The following ADGRE1 variants were observed in gnomAD, a reference collection of about 807,000 sequenced individuals.
ADGRE1 encodes EGF-like module receptor 1.
Under a neutral mutation model 102.7 loss-of-function variants are expected in ADGRE1, and 82 were observed. The observed-to-expected ratio is 0.80, with a 90% CI of 0.67 to 0.96. The LOEUF is 0.96. Among genes scored for constraint, ADGRE1 ranks in the 40% least tolerant of loss-of-function variants. The probability of loss-of-function intolerance (pLI) is 0.00; values close to 1 mark genes in which losing one functional copy is unlikely to be tolerated. For synonymous variants in ADGRE1, 398 were observed against 399.6 expected, an observed-to-expected ratio of 1.00 and a Z score of 0.05; for missense variants, 1,032 against 1,085.3, an observed-to-expected ratio of 0.95 and a Z score of 0.69.
At chr19:6,935,101 C>G in intron 18 of ADGRE1, 23 bp downstream of exon 18, 2 of 1,478,902 alleles carry the variant, frequency 1.4e-6, no homozygotes, top group Non-Finnish European at 1.8e-6. Context: ...TTCACCTCCC[C>G]CCCTCTTTTA....
At chr19:6,898,273 A>T in intron 5 of ADGRE1, 1 of 1,579,702 alleles carries the variant, frequency 6.3e-7, no homozygotes, top group Non-Finnish European at 8.7e-7. Flanking sequence ...TCTATCTAGT[A>T]TAAGTGAATT....
chr19:6,887,657 T>A lies in ADGRE1; in HGVS notation c.31+18T>A, dbSNP rs779209003. 21 of 1,607,704 alleles carry A rather than the reference T, an allele frequency of 1.3e-5. No individual in the cohort carries two copies. The Middle Eastern group carries it at 6.6e-4, about 51-fold the overall frequency. On this transcript the variant is annotated intron_variant, in intron 1 of 20. Transcript: ENST00000312053. ...CTTCTGGGGTGAGTGTGAGGCTGAA[T>A]GGGGGGCTAGGGGAGGCCTGGATTG...
rs11881853 is a variant in ADGRE1 at position 6,939,497 on chromosome 19, G to T, written c.2656-527G>T. ...TTCTATGCTTAGTGGTGTTGTAAAG[G>T]CTCTAAACTAAGAATCTGGGTTTTC... is the stretch of plus-strand genomic sequence containing the variant. On this transcript the variant is annotated intron_variant, in intron 20 of 20. Transcript: ENST00000312053. Among the ~76,000 whole-genome samples the T allele has an allele frequency of 1.4e-3, 215 of 152,132 alleles. 2 individuals are homozygous for T. The highest frequency in any genetic ancestry group is 0.014 in the Middle Eastern group (4 of 294).
intron 14 of ADGRE1, among the ~76,000 whole-genome samples, chr19:6,924,307 A>G (rs1334414948): frequency 6.6e-6 from 1 of 151,784 alleles, no homozygotes; most frequent in East Asian, 1.9e-4. Context: ...AATTAGGCTC[A>G]CTCCTGTCTG....
chr19:6,919,190 G>A (rs756481485), intron 12 of ADGRE1, among the ~76,000 whole-genome samples: 6 of 151,908 alleles, frequency 3.9e-5, no homozygotes, highest in Non-Finnish European at 7.4e-5. Context: ...GCATCACCAC[G>A]CCCGGCTAAT....
intron 13 of ADGRE1, among the ~76,000 whole-genome samples, chr19:6,921,336 C>T (rs141239440): frequency 1.8e-4 from 28 of 152,168 alleles, no homozygotes; most frequent in African/African-American, 6.3e-4. Flanking sequence ...GCAGAAGAAT[C>T]GCTTGAACCC....
chr19:6,929,901 T>G (rs1975071819), intron 17 of ADGRE1, among the ~76,000 whole-genome samples: 2 of 152,244 alleles, frequency 1.3e-5, no homozygotes, highest in African/African-American at 4.8e-5. Context: ...TGCCTCAGCC[T>G]CCCAAAGTGC....
intron 10 of ADGRE1, among the ~76,000 whole-genome samples, chr19:6,909,438 G>T (rs445817): frequency 0.63 from 95,629 of 151,878 alleles, 31,913 homozygotes; most frequent in Non-Finnish European, 0.75. Flanking sequence ...TTTTGTCTTT[G>T]GAAGAGTGTT....
At chr19:6,937,985 TTATTATATACATATAATGTATAA>T (rs1325466549) in intron 20 of ADGRE1, among the ~76,000 whole-genome samples, 3 of 151,124 alleles carry the variant, frequency 2.0e-5, no homozygotes, top group African/African-American at 7.3e-5. Context: ...TTATATGCAC[TTATTATATACATATAATGTATAA>T]TATTATATAC....
chr19:6,919,879 G>A, intron 13 of ADGRE1, 132 bp downstream of exon 13: 2 of 814,826 alleles, frequency 2.5e-6, no homozygotes, highest in East Asian at 2.7e-5. Context: ...AGCAATTCAA[G>A]CCAATTAACA....
At chr19:6,919,440 C>CTGTGTGTGTG (rs1323757328) in intron 12 of ADGRE1, 108 bp from the exon 13 acceptor site, 20 of 524,908 alleles carry the variant, frequency 3.8e-5, no homozygotes, top group Admixed American at 1.1e-4. Context: ...CCCTCCCTCC[C>CTGTGTGTGTG]TCTGTGTGTG....
chr19:6,920,063 A>C (rs1010207742), intron 13 of ADGRE1, among the ~76,000 whole-genome samples: 10 of 152,146 alleles, frequency 6.6e-5, no homozygotes, highest in Non-Finnish European at 1.5e-4. Flanking sequence ...TGTCTTCCCA[A>C]GCTGGGAGGC....
At chr19:6,911,843 C>CA (rs1974203668) in intron 10 of ADGRE1, among the ~76,000 whole-genome samples, 2 of 149,800 alleles carry the variant, frequency 1.3e-5, no homozygotes, top group South Asian at 4.3e-4. Flanking sequence ...CACACACACC[C>CA]CACACACATT....
chr19:6,936,897 A>G (rs1301586829), intron 18 of ADGRE1, among the ~76,000 whole-genome samples: 1 of 152,180 alleles, frequency 6.6e-6, no homozygotes, highest in Non-Finnish European at 1.5e-5. Flanking sequence ...TGCTGGGATT[A>G]CAAGCACCCA....
chr19:6,896,633 C>T (rs1442849710), intron 3 of ADGRE1, 92 bp downstream of exon 3: 3 of 1,433,310 alleles, frequency 2.1e-6, no homozygotes, highest in Non-Finnish European at 2.8e-6. Context: ...CCCCCACCCC[C>T]CATTTTTTTT....
At chr19:6,911,373 G>A (rs948721631) in intron 10 of ADGRE1, among the ~76,000 whole-genome samples, 3 of 71,558 alleles carry the variant, frequency 4.2e-5, no homozygotes, top group African/African-American at 1.1e-4. Flanking sequence ...ATTAGGTTCT[G>A]GATTCCTTTT....
At chr19:6,895,893 C>G (rs10401768) in intron 2 of ADGRE1, 6,517 of 152,614 alleles carry the variant, frequency 0.043, 455 homozygotes, top group African/African-American at 0.14. Flanking sequence ...TATCCGTTTC[C>G]TAGGGCTGCT....
intron 8 of ADGRE1, 120 bp from the exon 9 acceptor site, chr19:6,906,313 T>A (rs1973952874): frequency 1.3e-6 from 1 of 750,620 alleles, no homozygotes; most frequent in Non-Finnish European, 2.3e-6. Flanking sequence ...TTCCCCCTTG[T>A]GTATTAGGGT....
chr19:6,920,142 G>A (rs1003993128), intron 13 of ADGRE1, among the ~76,000 whole-genome samples: 1 of 152,136 alleles, frequency 6.6e-6, no homozygotes, highest in Non-Finnish European at 1.5e-5. Flanking sequence ...AAGTGATGCA[G>A]GGAGGTGTGA....
Sources: allele counts gnomAD v4.1 joint callset (sites outside exome capture counted in the v4.1 genomes callset), GRCh38; gene constraint gnomAD v4.1.1; transcripts MANE v1.5; gene names NCBI Gene and HGNC (gene_info 2026-07-23, HGNC 2026-07-21).